The following RAD18 variants were observed in gnomAD, a reference collection of about 807,000 sequenced individuals.
RAD18 encodes E3 ubiquitin-protein ligase RAD18.
In RAD18, 47 loss-of-function variants were observed where a neutral mutation model predicts 60.4. The observed-to-expected ratio is 0.78, with a 90% CI of 0.62 to 0.99. RAD18 has a LOEUF of 0.99. Ranked by LOEUF, RAD18 falls within the 50% of genes least tolerant of loss-of-function variation. The probability of loss-of-function intolerance (pLI) is 0.00; values close to 1 mark genes in which losing one functional copy is unlikely to be tolerated. For missense variants in RAD18, 640 were observed against 593.3 expected (o/e 1.08, Z -0.82); for synonymous variants, 225 against 195.5 (o/e 1.15, Z -1.26).
At chr3:8,945,851 G>C (rs546335056) in intron 4 of RAD18, among the ~76,000 whole-genome samples, 3 of 152,180 alleles carry the variant, frequency 2.0e-5, no homozygotes, top group Admixed American at 2.0e-4. Flanking sequence ...CACAGAATAA[G>C]GATATAAAGA....
intron 4 of RAD18, 83 bp downstream of exon 4, chr3:8,947,137 T>G (rs1216513707): frequency 9.4e-7 from 1 of 1,058,810 alleles, no homozygotes; most frequent in Non-Finnish European, 1.4e-6. Flanking sequence ...CTGCATTCCC[T>G]AATCCAAAGG....
At chr3:8,908,569 C>T (rs904629566) in intron 9 of RAD18, among the ~76,000 whole-genome samples, 2 of 152,122 alleles carry the variant, frequency 1.3e-5, no homozygotes, top group Admixed American at 1.3e-4. Context: ...TTCTAGCCTC[C>T]AGAACCCTGC....
chr3:8,880,835 C>A lies in RAD18; in HGVS notation c.*522G>T, dbSNP rs1195281350. 2.0e-5 allele frequency: 3 copies of A among 152,852 alleles called. No individual in the cohort carries two copies. Among genetic ancestry groups the A allele is most frequent in the Admixed American group, 2.0e-4 (3 of 15,372 alleles). The allele number at this position is 152,852 out of a possible 1,614,324, so 9.5% of individuals were successfully genotyped here. ...TACATTAACCTCGGGCAACAACCAT[C>A]ATGGAGCTGCTGTAACACAGGCATG... On this transcript the variant is annotated 3_prime_UTR_variant, in exon 13 of 13. Transcript: ENST00000264926.
In RAD18 at chr3:8,956,022, T is replaced by C. The variant is rs997346597; in HGVS notation, c.133+2898A>G. ...AGTAAGAGATTAGGAACAATAACAA[T>C]AACATAGAATTAAAACAATATACTA... On this transcript the variant is annotated intron_variant, in intron 2 of 12. Transcript: ENST00000264926. Among the ~76,000 whole-genome samples, 21 of 152,308 alleles carry C rather than the reference T, an allele frequency of 1.4e-4. No individual in the cohort carries two copies. In the East Asian group the frequency reaches 3.3e-3, roughly 24 times the overall value.
Position 8,912,304 on chromosome 3 carries a change from C to T in RAD18, c.1027+8G>A. ...TCTTTACAAATTAAATAAAGTCGTGCAACTTACGATATTTACTGTGGATTT... is the reference window on the plus strand; with the variant it reads ...TCTTTACAAATTAAATAAAGTCGTGTAACTTACGATATTTACTGTGGATTT... On this transcript the variant is annotated splice_region_variant and intron_variant, in intron 9 of 12. Transcript: ENST00000264926. 1 of 1,544,358 alleles carries T rather than the reference C, an allele frequency of 6.5e-7. No homozygotes were observed. The highest frequency in any genetic ancestry group is 2.4e-5 in the East Asian group (1 of 42,200).
At chr3:8,962,900 G>A (rs189942631) in intron 1 of RAD18, among the ~76,000 whole-genome samples, 291 of 152,242 alleles carry the variant, frequency 1.9e-3, no homozygotes, top group Middle Eastern at 0.014. Context: ...AGAAATGAAA[G>A]AGCCTGTAAA....
intron 12 of RAD18, among the ~76,000 whole-genome samples, chr3:8,884,743 G>A (rs1386347113): frequency 2.0e-5 from 3 of 152,150 alleles, no homozygotes; most frequent in Non-Finnish European, 4.4e-5. Flanking sequence ...TAGCAGGGGA[G>A]TTCCTGGCAA....
intron 10 of RAD18, among the ~76,000 whole-genome samples, chr3:8,899,355 A>G (rs893996540): frequency 1.3e-5 from 2 of 152,220 alleles, no homozygotes; most frequent in Non-Finnish European, 2.9e-5. Flanking sequence ...GAATTCTTGC[A>G]TATTTCATAG....
intron 7 of RAD18, among the ~76,000 whole-genome samples, chr3:8,920,595 A>G (rs944814312): frequency 2.0e-5 from 3 of 152,208 alleles, no homozygotes; most frequent in African/African-American, 7.2e-5. Context: ...ATCAGGCCTG[A>G]TATCACAAAT....
rs1940853823 is a variant in RAD18 at position 8,947,283 on chromosome 3, G to A, written c.203C>T (p.Thr68Ile). Residue 68 changes from threonine to isoleucine, a missense_variant, in exon 4 of 13, where the codon ACA becomes ATA. Transcript: ENST00000264926. Reference sequence around the variant, plus strand: ...GCGGTTATTTTTCAGATCCGGCTCTGTGACAGTCTAGAAAAAACAAACAAC... The same window carrying A: ...GCGGTTATTTTTCAGATCCGGCTCTATGACAGTCTAGAAAAAACAAACAAC... ...TQCPTCCVTVTEPDLKNNRIL... is the reference protein window; with the variant it reads ...TQCPTCCVTVIEPDLKNNRIL... 3.1e-6 allele frequency: 5 copies of A among 1,607,646 alleles called. No homozygotes were observed. Among genetic ancestry groups the A allele is most frequent in the Non-Finnish European group, 4.3e-6 (5 of 1,174,890 alleles).
intron 12 of RAD18, among the ~76,000 whole-genome samples, chr3:8,884,073 A>T (rs1457091687): frequency 6.6e-6 from 1 of 152,172 alleles, no homozygotes; most frequent in Non-Finnish European, 1.5e-5. Context: ...ATTCTCTGGG[A>T]ATGTGGCTTT....
chr3:8,925,936 C>G (rs1940425555), intron 7 of RAD18, among the ~76,000 whole-genome samples: 1 of 152,158 alleles, frequency 6.6e-6, no homozygotes, highest in South Asian at 2.1e-4. Flanking sequence ...CTATTTATGA[C>G]AAACCCACAG....
chr3:8,958,585 C>T (rs751766806), intron 2 of RAD18, among the ~76,000 whole-genome samples: 11 of 152,320 alleles, frequency 7.2e-5, no homozygotes, highest in Non-Finnish European at 1.3e-4. Flanking sequence ...GGTGGAACCA[C>T]CTATCTGTTA....
chr3:8,945,111 A>G (rs1293904385), intron 4 of RAD18, among the ~76,000 whole-genome samples: 2 of 152,380 alleles, frequency 1.3e-5, no homozygotes, highest in South Asian at 2.1e-4. Flanking sequence ...GAGGATGTGC[A>G]TATGCAAATA....
Position 8,888,230 on chromosome 3 carries a change from T to C in RAD18, c.1385+2159A>G, listed in dbSNP as rs150119785. Among the ~76,000 whole-genome samples the C allele has an allele frequency of 6.2e-3, 950 of 152,300 alleles. 6 individuals carry two copies. Among genetic ancestry groups the C allele is most frequent in the African/African-American group, 0.022 (907 of 41,558 alleles). On this transcript the variant is annotated intron_variant, in intron 12 of 12. Transcript: ENST00000264926. ...GCCCTGTCTCTAGGACCTGTGAGTATAATGAAACAAGTTTTCCTGAGCCTC... is the reference window on the plus strand; with the variant it reads ...GCCCTGTCTCTAGGACCTGTGAGTACAATGAAACAAGTTTTCCTGAGCCTC...
At chr3:8,913,508 T>A in intron 8 of RAD18, 136 bp downstream of exon 8, 1 of 570,650 alleles carries the variant, frequency 1.8e-6, no homozygotes, top group Non-Finnish European at 2.9e-6. Flanking sequence ...CTAAAATGAG[T>A]TGCAAGTAAA....
At chr3:8,899,813 C>T (rs1169872677) in intron 10 of RAD18, among the ~76,000 whole-genome samples, 5 of 152,148 alleles carry the variant, frequency 3.3e-5, no homozygotes, top group African/African-American at 1.2e-4. Context: ...TCTGTGCTGT[C>T]CTTAACTTTC....
At position 8,936,050 on chromosome 3, in the gene RAD18, A is replaced by G; in HGVS notation, c.710T>C (p.Val237Ala). The G allele has an allele frequency of 1.3e-6, 2 of 1,569,404 alleles. No individual in the cohort carries two copies. The highest frequency in any genetic ancestry group is 1.7e-6 in the Non-Finnish European group (2 of 1,159,060). ...TTTGGGCAGCGGCTTCCTTTTGTGA[A>G]CAGAACTGAAAAGGGGGGAAGATAC... ...EEKKESLRSS[V>A]HKRKPLPKTV... is the part of the protein sequence containing the mutation. The change falls in exon 7 of 13, where the codon GTT becomes GCT. Residue 237 changes from valine to alanine, a missense_variant. Transcript: ENST00000264926.
intron 7 of RAD18, among the ~76,000 whole-genome samples, chr3:8,915,687 C>T (rs1469229610): frequency 6.6e-6 from 1 of 151,818 alleles, no homozygotes; most frequent in African/African-American, 2.4e-5. Flanking sequence ...GGGTTCACGC[C>T]ATTCTCCTGC....
Sources: allele counts gnomAD v4.1 joint callset (sites outside exome capture counted in the v4.1 genomes callset), GRCh38; gene constraint gnomAD v4.1.1; transcripts MANE v1.5; gene names NCBI Gene and HGNC (gene_info 2026-07-23, HGNC 2026-07-21).